GPBP1: variants seen among roughly 807,000 people sequenced by gnomAD.
GPBP1 encodes the protein vasculin.
A neutral mutation model predicts 56.5 loss-of-function variants in GPBP1; 13 were observed. That is an observed-to-expected ratio of 0.23 (90% CI 0.15 to 0.37). The LOEUF (loss-of-function observed/expected upper bound fraction) is 0.37. Among genes scored for constraint, GPBP1 ranks in the 10% least tolerant of loss-of-function variants. The pLI, the probability that GPBP1 is intolerant of heterozygous loss-of-function variation, is 1.00. For missense variants in GPBP1, 477 were observed against 572.3 expected, an observed-to-expected ratio of 0.83 and a Z score of 1.70; for synonymous variants, 204 against 188.9, an observed-to-expected ratio of 1.08 and a Z score of -0.66.
At chr5:57,240,243 T>A (rs1157119630) in intron 6 of GPBP1, among the ~76,000 whole-genome samples, 1 of 152,020 alleles carries the variant, frequency 6.6e-6, no homozygotes, top group African/African-American at 2.4e-5. Flanking sequence ...AGAGCAAGAC[T>A]CTTTCTCCAA....
chr5:57,215,473 C>G (rs1347521620), intron 3 of GPBP1, among the ~76,000 whole-genome samples: 3 of 152,208 alleles, frequency 2.0e-5, no homozygotes, highest in African/African-American at 7.2e-5. Context: ...CTATTGTTTT[C>G]ATTAATGCCT....
intron 2 of GPBP1, among the ~76,000 whole-genome samples, chr5:57,179,788 G>A (rs1416629546): frequency 6.6e-6 from 1 of 152,006 alleles, no homozygotes; most frequent in Non-Finnish European, 1.5e-5. Context: ...TTAGAAGACG[G>A]GATTTCACCA....
rs1741095913 is a variant in GPBP1, at chr5:57,246,413, C to T, written c.592C>T (p.Pro198Ser). The stretch of plus-strand genomic sequence containing the variant: ...AGTAGTAGGAAATCTTCCGTCACAG[C>T]CAGTTAAGAATGGAACTGGTCCAAG... ...FPVVGNLPSQ[P>S]VKNGTGPSVY... The change falls in exon 7 of 12, where the codon CCA becomes TCA. Residue 198 changes from proline to serine, a missense_variant. Physicochemically the swap from Pro to Ser is moderately conservative, Grantham distance 74 (BLOSUM62 -1). Coordinates refer to ENST00000506184, the MANE Select transcript of GPBP1 (RefSeq NM_022913.4). The T allele has an allele frequency of 1.9e-6, 3 of 1,613,886 alleles. No homozygotes were observed. The highest frequency in any genetic ancestry group is 2.5e-6 in the Non-Finnish European group (3 of 1,179,832).
At chr5:57,209,671 TC>T (rs1468729172) in intron 2 of GPBP1, among the ~76,000 whole-genome samples, 11 of 152,160 alleles carry the variant, frequency 7.2e-5, no homozygotes, top group Admixed American at 7.2e-4. Context: ...CCTTCTTGTT[TC>T]TAGTTTGTTG....
At chr5:57,181,404 G>A (rs547182300) in intron 2 of GPBP1, among the ~76,000 whole-genome samples, 13 of 150,258 alleles carry the variant, frequency 8.7e-5, no homozygotes, top group African/African-American at 2.9e-4. Context: ...TCGCGACACT[G>A]CACTCCAGCT....
chr5:57,186,504 C>T (rs1055468169), intron 2 of GPBP1, among the ~76,000 whole-genome samples: 2 of 151,612 alleles, frequency 1.3e-5, no homozygotes, highest in African/African-American at 4.8e-5. Context: ...TGTGTAATTT[C>T]GTTCTTATCT....
intron 2 of GPBP1, among the ~76,000 whole-genome samples, chr5:57,193,931 TC>T (rs111718482): frequency 0.018 from 2,792 of 152,316 alleles, 81 homozygotes; most frequent in African/African-American, 0.064. Context: ...ACCCCTTTAA[TC>T]CTGTTTCTTA....
In GPBP1 at chr5:57,180,435, GT is replaced by G. The variant is rs1753991050; in HGVS notation, c.-58+4038del. On this transcript the variant is annotated intron_variant, in intron 2 of 11. Coordinates refer to ENST00000506184, the MANE Select transcript of GPBP1 (RefSeq NM_022913.4). Reference sequence around the variant, plus strand: ...GCACCTGGTCAGATTATTTAACTTTGTTTAACCAAACCATCTTTTCTGTTTC... The same window carrying G: ...GCACCTGGTCAGATTATTTAACTTTGTTAACCAAACCATCTTTTCTGTTTC... 3.3e-5 allele frequency among the ~76,000 whole-genome samples: 5 copies of G among 152,198 alleles called. No homozygotes were observed. The South Asian group carries it at 1.0e-3, about 32-fold the overall frequency.
chr5:57,174,973 G>A (rs1158357990), intron 1 of GPBP1, among the ~76,000 whole-genome samples: 1 of 152,134 alleles, frequency 6.6e-6, no homozygotes, highest in African/African-American at 2.4e-5. Context: ...GCCTCCTCTA[G>A]TAGACGTTCT....
chr5:57,185,258 C>CT (rs747214276), intron 2 of GPBP1, among the ~76,000 whole-genome samples: 4,486 of 128,652 alleles, frequency 0.035, 159 homozygotes, highest in East Asian at 0.14. Flanking sequence ...TTGGTTAGGT[C>CT]TTTTTTTTTT....
At chr5:57,202,053 G>T (rs1383215659) in intron 2 of GPBP1, among the ~76,000 whole-genome samples, 1 of 152,124 alleles carries the variant, frequency 6.6e-6, no homozygotes, top group Non-Finnish European at 1.5e-5. Context: ...GAGTGTAATG[G>T]AGCGATCATT....
intron 8 of GPBP1, 62 bp from the exon 9 acceptor site, chr5:57,249,347 A>G (rs1236276242): frequency 7.6e-7 from 1 of 1,318,320 alleles, no homozygotes; most frequent in Non-Finnish European, 1.0e-6. Flanking sequence ...GTAGTAGTGA[A>G]TTTTATGTTG....
rs1018322893 is a variant in GPBP1, at chr5:57,254,540, C to A, written c.1160+3399C>A. Reference sequence around the variant, plus strand: ...TGAAACCCTGTCTCTACTGAAAATACAAAAATTAGCTGGGCATGGTGGTGC... The same window carrying A: ...TGAAACCCTGTCTCTACTGAAAATAAAAAAATTAGCTGGGCATGGTGGTGC... On this transcript the variant is annotated intron_variant, in intron 10 of 11. Transcript: ENST00000506184. 2.0e-5 allele frequency among the ~76,000 whole-genome samples: 3 copies of A among 151,936 alleles called. No individual in the cohort carries two copies. In the East Asian group the frequency reaches 5.8e-4, roughly 29 times the overall value.
chr5:57,236,378 A>G (rs947959263), intron 6 of GPBP1, among the ~76,000 whole-genome samples: 8 of 152,196 alleles, frequency 5.3e-5, no homozygotes, highest in Non-Finnish European at 8.8e-5. Flanking sequence ...TAGTTGTTCA[A>G]AGTTGAAAAC....
At chr5:57,199,934 T>G (rs1754923978) in intron 2 of GPBP1, among the ~76,000 whole-genome samples, 1 of 151,840 alleles carries the variant, frequency 6.6e-6, no homozygotes, top group Non-Finnish European at 1.5e-5. Context: ...TTTTTTCTTT[T>G]GGAACTCTTG....
intron 2 of GPBP1, among the ~76,000 whole-genome samples, chr5:57,195,863 C>T (rs1754718474): frequency 6.7e-6 from 1 of 148,410 alleles, no homozygotes; most frequent in African/African-American, 2.5e-5. Flanking sequence ...ATTACCTGGG[C>T]GTGGTGGCAT....
At chr5:57,262,485 G>A in intron 11 of GPBP1, 109 bp from the exon 12 acceptor site, 2 of 778,430 alleles carry the variant, frequency 2.6e-6, no homozygotes, top group Non-Finnish European at 4.2e-6. Context: ...ATCATTACTT[G>A]TGTAGTTTTT....
At chr5:57,245,564 AAAG>A (rs779008578) in intron 6 of GPBP1, 57 of 152,324 alleles carry the variant, frequency 3.7e-4, no homozygotes, top group Non-Finnish European at 7.2e-4. Context: ...GTAAGGGAAG[AAAG>A]AAAGACTTCA....
rs768450289 is a variant in GPBP1, at chr5:57,261,267, A to G, written c.1248A>G (p.Gln416=). The change falls in exon 11 of 12, where the codon CAA becomes CAG. Residue 416 remains glutamine (Q), a synonymous_variant. Coordinates refer to ENST00000506184, the MANE Select transcript of GPBP1 (RefSeq NM_022913.4). ...CTGAGGATGAAATGAGAGAATTCCA[A>G]GTTATTAGTGAACAGGTAAGAAAAC... ...PLTEDEMREF[Q]VISEQLQKNG... is the part of the protein sequence containing the mutation. 5.0e-6 allele frequency: 8 copies of G among 1,601,516 alleles called. No individual in the cohort carries two copies. In the East Asian group the frequency reaches 1.3e-4, roughly 27 times the overall value.
Sources: allele counts gnomAD v4.1 joint callset (sites outside exome capture counted in the v4.1 genomes callset), GRCh38; gene constraint gnomAD v4.1.1; transcripts MANE v1.5; gene names NCBI Gene and HGNC (gene_info 2026-07-23, HGNC 2026-07-21).